Variants in GALNT17 observed in about 807,000 individuals in gnomAD.
GALNT17 encodes the protein polypeptide N-acetylgalactosaminyltransferase 17.
A neutral mutation model predicts 63.7 loss-of-function variants in GALNT17; 29 were observed. That is an observed-to-expected ratio of 0.46 (90% CI 0.34 to 0.62). The LOEUF (loss-of-function observed/expected upper bound fraction) is 0.62, where lower values mean the gene tolerates loss of function less well. Ranked by LOEUF, GALNT17 falls within the 20% of genes least tolerant of loss-of-function variation. The pLI is 0.01. For missense variants in GALNT17, 603 were observed against 799.6 expected, an observed-to-expected ratio of 0.75 and a Z score of 2.97; for synonymous variants, 305 against 318.3, an observed-to-expected ratio of 0.96 and a Z score of 0.45.
At chr7:71,558,057 G>A (rs1789193950) in intron 5 of GALNT17, among the ~76,000 whole-genome samples, 1 of 152,152 alleles carries the variant, frequency 6.6e-6, no homozygotes, top group African/African-American at 2.4e-5. Flanking sequence ...CTGGGCCACA[G>A]AGCGAGACTC....
At chr7:71,331,190 C>G (rs1206450179) in intron 1 of GALNT17, among the ~76,000 whole-genome samples, 1 of 152,124 alleles carries the variant, frequency 6.6e-6, no homozygotes, top group African/African-American at 2.4e-5. Flanking sequence ...TGCTCAGTTC[C>G]TCCTTCTCTT....
intron 5 of GALNT17, among the ~76,000 whole-genome samples, chr7:71,493,724 A>G (rs1184477051): frequency 1.3e-5 from 2 of 152,170 alleles, no homozygotes; most frequent in African/African-American, 4.8e-5. Flanking sequence ...TTGGGTAGAA[A>G]TGCAGCCAGA....
intron 1 of GALNT17, among the ~76,000 whole-genome samples, chr7:71,245,852 T>TTTTTTTTTTTTTTTTTTTTTTG (rs1790084650): frequency 6.6e-6 from 1 of 150,922 alleles, no homozygotes. Flanking sequence ...GAGCAGGTTT[T>TTTTTTTTTTTTTTTTTTTTTTG]TTTTTTTTTT....
intron 1 of GALNT17, among the ~76,000 whole-genome samples, chr7:71,265,113 TATA>T (rs1375598867): frequency 3.7e-5 from 2 of 54,654 alleles, no homozygotes; most frequent in African/African-American, 1.1e-4. Flanking sequence ...TATATATATA[TATA>T]TATTTTTTTT....
At chr7:71,654,590 CT>C (rs2117028176) in intron 6 of GALNT17, among the ~76,000 whole-genome samples, 1 of 152,278 alleles carries the variant, frequency 6.6e-6, no homozygotes, top group East Asian at 1.9e-4. Flanking sequence ...ATTATCCTAA[CT>C]TGCATGCAAC....
intron 6 of GALNT17, among the ~76,000 whole-genome samples, chr7:71,575,782 A>T (rs997837766): frequency 6.6e-6 from 1 of 152,168 alleles, no homozygotes; most frequent in Non-Finnish European, 1.5e-5. Flanking sequence ...CTCAGTAAGT[A>T]AAGATCTGTC....
chr7:71,278,340 G>A (rs1474220983), intron 1 of GALNT17, among the ~76,000 whole-genome samples: 1 of 152,196 alleles, frequency 6.6e-6, no homozygotes, highest in Non-Finnish European at 1.5e-5. Context: ...GAGCCTAGAA[G>A]TCTGAAACAA....
chr7:71,397,955 TGTTG>T (rs1021570702), intron 3 of GALNT17, among the ~76,000 whole-genome samples: 2 of 150,338 alleles, frequency 1.3e-5, no homozygotes, highest in Admixed American at 1.4e-4. Context: ...TTGTTGTTGT[TGTTG>T]TTGTTGTTGT....
chr7:71,582,277 A>T (rs1038529258), intron 6 of GALNT17, among the ~76,000 whole-genome samples: 6 of 152,076 alleles, frequency 3.9e-5, no homozygotes, highest in African/African-American at 1.4e-4. Context: ...CAAAGAGTGG[A>T]TGGAGAATCT....
At chr7:71,449,709 A>G (rs1787224276) in intron 5 of GALNT17, among the ~76,000 whole-genome samples, 1 of 152,096 alleles carries the variant, frequency 6.6e-6, no homozygotes, top group African/African-American at 2.4e-5. Context: ...AGGTATTTAT[A>G]TATTTTTCTC....
chr7:71,525,567 C>CT (rs1788610371), intron 5 of GALNT17, among the ~76,000 whole-genome samples: 1 of 151,798 alleles, frequency 6.6e-6, no homozygotes, highest in South Asian at 2.1e-4. Context: ...GGGGCTTCTC[C>CT]TTTCGTTTAG....
intron 5 of GALNT17, among the ~76,000 whole-genome samples, chr7:71,473,935 A>G (rs1055801445): frequency 3.9e-5 from 6 of 152,190 alleles, no homozygotes; most frequent in African/African-American, 1.4e-4. Context: ...TTATTCAGAA[A>G]GTAAAGGAAT....
At chr7:71,225,885 T>C in intron 1 of GALNT17, among the ~76,000 whole-genome samples, 1 of 152,224 alleles carries the variant, frequency 6.6e-6, no homozygotes, top group Non-Finnish European at 1.5e-5. Flanking sequence ...GAAATTATGC[T>C]TATGGTACAC....
At chr7:71,204,966 G>C (rs755745014) in intron 1 of GALNT17, among the ~76,000 whole-genome samples, 1 of 151,512 alleles carries the variant, frequency 6.6e-6, no homozygotes, top group African/African-American at 2.4e-5. Context: ...GCCTGGTCTC[G>C]AACTCCTGAC....
chr7:71,565,576 T>C (rs1263994422), intron 5 of GALNT17, among the ~76,000 whole-genome samples: 1 of 134,106 alleles, frequency 7.5e-6, no homozygotes, highest in Non-Finnish European at 1.5e-5. Context: ...TGCTCTTCCC[T>C]ACCAGGAGTC....
At chr7:71,241,903 C>T (rs992661454) in intron 1 of GALNT17, among the ~76,000 whole-genome samples, 3 of 152,002 alleles carry the variant, frequency 2.0e-5, no homozygotes, top group Middle Eastern at 3.4e-3. Context: ...AAAAGAATAC[C>T]CGAGGGTTGG....
At chr7:71,412,263 C>T (rs1247415257) in intron 3 of GALNT17, among the ~76,000 whole-genome samples, 1 of 152,210 alleles carries the variant, frequency 6.6e-6, no homozygotes, top group Non-Finnish European at 1.5e-5. Flanking sequence ...CATGATTGCT[C>T]ACTAGCCCTC....
intron 2 of GALNT17, among the ~76,000 whole-genome samples, chr7:71,355,564 A>T (rs2116202418): frequency 6.6e-6 from 1 of 151,584 alleles, no homozygotes; most frequent in East Asian, 1.9e-4. Flanking sequence ...ATGGAGTCTC[A>T]CTCTGTCACC....
intron 5 of GALNT17, among the ~76,000 whole-genome samples, chr7:71,525,941 T>C (rs763420347): frequency 1.3e-5 from 2 of 151,864 alleles, no homozygotes; most frequent in African/African-American, 2.4e-5. Context: ...GATTTTGCCA[T>C]GTTGGCCAGG....
Sources: gnomAD v4.1 joint callset for allele counts (sites outside exome capture counted in the v4.1 genomes callset) on GRCh38, gnomAD v4.1.1 for gene constraint, MANE v1.5 for transcripts, NCBI Gene and HGNC (gene_info 2026-07-23, HGNC 2026-07-21) for gene names.